The following PPP1R13B variants were observed in gnomAD, a reference collection of about 807,000 sequenced individuals.
PPP1R13B encodes protein phosphatase 1 regulatory subunit 13B.
In PPP1R13B, 44 loss-of-function variants were observed where a neutral mutation model predicts 119.8. The observed-to-expected ratio is 0.37, with a 90% CI of 0.29 to 0.47. The LOEUF (loss-of-function observed/expected upper bound fraction) is 0.47. Ranked by LOEUF, PPP1R13B falls within the 20% of genes least tolerant of loss-of-function variation. The pLI, the probability that PPP1R13B is intolerant of heterozygous loss-of-function variation, is 0.99. For missense variants in PPP1R13B, 1,227 were observed against 1,413.5 expected, an observed-to-expected ratio of 0.87 and a Z score of 2.12; for synonymous variants, 542 against 561.5, an observed-to-expected ratio of 0.97 and a Z score of 0.49.
intron 1 of PPP1R13B, among the ~76,000 whole-genome samples, chr14:103,839,162 G>C (rs2086845117): frequency 6.6e-6 from 1 of 152,036 alleles, no homozygotes; most frequent in African/African-American, 2.4e-5. Flanking sequence ...ACAGGCACGT[G>C]CCACCACACC....
At chr14:103,762,535 A>AC (rs1000697132) in intron 4 of PPP1R13B, among the ~76,000 whole-genome samples, 144 of 151,958 alleles carry the variant, frequency 9.5e-4, no homozygotes, top group African/African-American at 3.3e-3. Flanking sequence ...CCAACATGGC[A>AC]CATGTATACA....
chr14:103,848,102 G>C (rs2087115591), upstream of PPP1R13B, among the ~76,000 whole-genome samples: 1 of 151,948 alleles, frequency 6.6e-6, no homozygotes, highest in African/African-American at 2.4e-5. Context: ...GAGGCCGCGC[G>C]CTCGGAACCA....
chr14:103,811,207 TA>T (rs999514116), intron 1 of PPP1R13B, among the ~76,000 whole-genome samples: 3 of 151,976 alleles, frequency 2.0e-5, no homozygotes, highest in African/African-American at 4.8e-5. Flanking sequence ...CACTGAATTT[TA>T]AACCACAGAC....
chr14:103,784,911 C>A lies in PPP1R13B; in HGVS notation c.161G>T (p.Arg54Leu). 6.4e-7 allele frequency: 1 copy of A among 1,562,566 alleles called. No individual in the cohort carries two copies. Among genetic ancestry groups the A allele is most frequent in the Non-Finnish European group, 8.7e-7 (1 of 1,143,736 alleles). The change falls in exon 3 of 17, where the codon CGT becomes CTT. Residue 54 changes from arginine (R) to leucine (L), a missense_variant. Transcript: ENST00000202556. The part of the protein sequence containing the change: ...HLAEVWRGNE[R>L]PIPFDHMMYE... ...CATCATATGATCAAAGGGTATGGGA[C>A]GTTCTAGGAAAAAGACCACATCTTT...
chr14:103,736,323 GC>G, intron 15 of PPP1R13B, 121 bp from the exon 16 acceptor site: 1 of 1,025,292 alleles, frequency 9.8e-7, no homozygotes, highest in Non-Finnish European at 1.5e-6. Flanking sequence ...CCCCACAGAG[GC>G]CAGCGAGGGA....
chr14:103,748,413 C>T (rs1301478852), intron 8 of PPP1R13B, among the ~76,000 whole-genome samples: 1 of 152,218 alleles, frequency 6.6e-6, no homozygotes, highest in African/African-American at 2.4e-5. Context: ...TCCACACCCA[C>T]TCCCCCTAGG....
At chr14:103,782,447 A>G (rs1021731521) in intron 3 of PPP1R13B, among the ~76,000 whole-genome samples, 1 of 152,222 alleles carries the variant, frequency 6.6e-6, no homozygotes, top group African/African-American at 2.4e-5. Context: ...CCCTGTTTAT[A>G]TATCATTTTG....
intron 1 of PPP1R13B, among the ~76,000 whole-genome samples, chr14:103,806,245 C>T (rs1386026844): frequency 2.6e-5 from 4 of 152,094 alleles, no homozygotes; most frequent in Non-Finnish European, 5.9e-5. Context: ...TAATATGAAA[C>T]ACATATTTGC....
At chr14:103,822,712 C>T (rs1285441537) in intron 1 of PPP1R13B, among the ~76,000 whole-genome samples, 1 of 151,936 alleles carries the variant, frequency 6.6e-6, no homozygotes, top group Non-Finnish European at 1.5e-5. Flanking sequence ...ACTGGGGAGG[C>T]TGAGGCAAAA....
At chr14:103,810,622 A>G (rs1259137827) in intron 1 of PPP1R13B, among the ~76,000 whole-genome samples, 2 of 150,998 alleles carry the variant, frequency 1.3e-5, no homozygotes, top group Non-Finnish European at 1.5e-5. Context: ...AATACAAAAC[A>G]TTAGCTGGGC....
chr14:103,811,033 C>T (rs981821217), intron 1 of PPP1R13B, among the ~76,000 whole-genome samples: 3 of 129,198 alleles, frequency 2.3e-5, no homozygotes, highest in African/African-American at 9.0e-5. Flanking sequence ...GCAGAGGTTG[C>T]AGTAAGCTGA....
intron 1 of PPP1R13B, among the ~76,000 whole-genome samples, chr14:103,807,527 C>G (rs1374086622): frequency 6.6e-6 from 1 of 152,128 alleles, no homozygotes; most frequent in Non-Finnish European, 1.5e-5. Flanking sequence ...CAGAGTATCA[C>G]GCTGTTGCCC....
At chr14:103,744,323 T>C (rs2084335991) in intron 9 of PPP1R13B, among the ~76,000 whole-genome samples, 1 of 152,162 alleles carries the variant, frequency 6.6e-6, no homozygotes. Context: ...AACTCAGAAA[T>C]ATCTTAATTT....
intron 1 of PPP1R13B, among the ~76,000 whole-genome samples, chr14:103,803,227 G>C (rs777484790): frequency 3.9e-5 from 6 of 152,130 alleles, no homozygotes; most frequent in Non-Finnish European, 8.8e-5. Context: ...TTAATGGGTA[G>C]CATATTTTTT....
intron 1 of PPP1R13B, chr14:103,846,875 G>T (rs779948683): frequency 1.2e-5 from 7 of 586,972 alleles, no homozygotes; most frequent in Non-Finnish European, 2.0e-5. Context: ...ACGGGAATGC[G>T]CCTGCAGAGT....
chr14:103,803,807 T>G (rs2085957453), intron 1 of PPP1R13B, among the ~76,000 whole-genome samples: 1 of 152,198 alleles, frequency 6.6e-6, no homozygotes, highest in African/African-American at 2.4e-5. Flanking sequence ...TTCTCTGCCC[T>G]GATGAATCAC....
intron 1 of PPP1R13B, among the ~76,000 whole-genome samples, chr14:103,800,275 G>A (rs1043764513): frequency 4.6e-5 from 7 of 151,686 alleles, no homozygotes; most frequent in Non-Finnish European, 1.0e-4. Context: ...TTACAATCAC[G>A]CCACTGCACT....
At chr14:103,774,335 T>C (rs2085133502) in intron 4 of PPP1R13B, among the ~76,000 whole-genome samples, 1 of 152,174 alleles carries the variant, frequency 6.6e-6, no homozygotes, top group Non-Finnish European at 1.5e-5. Flanking sequence ...AAGTCGAATG[T>C]GTCTTTCCTC....
upstream of PPP1R13B, chr14:103,847,670 G>A: frequency 1.0e-6 from 1 of 956,502 alleles, no homozygotes; most frequent in Non-Finnish European, 1.2e-6. Flanking sequence ...TGATTGGCCC[G>A]GTGGGAGCGG....
Sources: gnomAD v4.1 joint callset for allele counts (sites outside exome capture counted in the v4.1 genomes callset) on GRCh38, gnomAD v4.1.1 for gene constraint, MANE v1.5 for transcripts, NCBI Gene and HGNC (gene_info 2026-07-23, HGNC 2026-07-21) for gene names.